Variants in MAP3K5 observed in about 807,000 individuals in gnomAD.
MAP3K5 encodes ASK-1.
MAP3K5 carries 56 observed loss-of-function variants against 158.7 expected under a neutral mutation model. The ratio of observed to expected loss-of-function variants is 0.35; its 90% CI spans 0.28 to 0.44. The LOEUF (loss-of-function observed/expected upper bound fraction) is 0.44, where lower values mean the gene tolerates loss of function less well. Ranked by LOEUF, MAP3K5 falls within the 20% of genes least tolerant of loss-of-function variation. The pLI is 1.00. For synonymous variants in MAP3K5, 579 were observed against 601.7 expected, an observed-to-expected ratio of 0.96 and a Z score of 0.55; for missense variants, 1,294 against 1,674.8, an observed-to-expected ratio of 0.77 and a Z score of 3.97.
At chr6:136,653,498 A>G (rs1396598443) in intron 10 of MAP3K5, among the ~76,000 whole-genome samples, 2 of 152,190 alleles carry the variant, frequency 1.3e-5, no homozygotes, top group Admixed American at 1.3e-4. Context: ...TGCTAAGGAC[A>G]TGACAAGGTG....
rs60678515 is a variant in MAP3K5, at chr6:136,716,027, C to CA, written c.588+4422dup. Among the ~76,000 whole-genome samples the CA allele has an allele frequency of 5.8e-3, 134 of 23,032 alleles. 35 individuals carry two copies. Among genetic ancestry groups the CA allele is most frequent in the Non-Finnish European group, 6.6e-3 (94 of 14,208 alleles). The allele number at this position is 23,032 out of a possible 152,430, so 15.1% of individuals were successfully genotyped here. ...CCCGGGTGACAAAGCAAGATCGTCT[C>CA]AAAAAAAAAAAAAAAAAAAAAAAAA... On this transcript the variant is annotated intron_variant, in intron 2 of 29. Coordinates refer to ENST00000359015, the MANE Select transcript of MAP3K5 (RefSeq NM_005923.4).
At chr6:136,689,661 C>T (rs139365987) in intron 7 of MAP3K5, among the ~76,000 whole-genome samples, 64 of 152,234 alleles carry the variant, frequency 4.2e-4, no homozygotes, top group African/African-American at 1.4e-3. Flanking sequence ...TTTAAAAGAA[C>T]ATGTTCAGCC....
At position 136,693,843 on chromosome 6, in the gene MAP3K5, G is replaced by T. The variant is rs376015329; in HGVS notation, c.1253+297C>A. 3.7e-4 allele frequency among the ~76,000 whole-genome samples: 57 copies of T among 152,150 alleles called. No individual in the cohort carries two copies. The East Asian group carries it at 0.01, about 27-fold the overall frequency. On this transcript the variant is annotated intron_variant, in intron 7 of 29. Coordinates refer to ENST00000359015, the MANE Select transcript of MAP3K5 (RefSeq NM_005923.4). Reference sequence around the variant, plus strand: ...GTCTCTCCTAAAAATGTAAAAATTAGTGGGCGTGGTGGCGGGCACCTGTAA... The same window carrying T: ...GTCTCTCCTAAAAATGTAAAAATTATTGGGCGTGGTGGCGGGCACCTGTAA...
chr6:136,655,044 C>T (rs987210861), intron 10 of MAP3K5, among the ~76,000 whole-genome samples: 1 of 152,052 alleles, frequency 6.6e-6, no homozygotes. Flanking sequence ...TTTACATTCA[C>T]TTATTTATAT....
intron 23 of MAP3K5, among the ~76,000 whole-genome samples, chr6:136,586,588 T>C (rs371493612): frequency 6.6e-6 from 1 of 152,216 alleles, no homozygotes; most frequent in Non-Finnish European, 1.5e-5. Context: ...AGCATCAGCA[T>C]AGATTTAACG....
intron 7 of MAP3K5, among the ~76,000 whole-genome samples, chr6:136,683,849 C>A (rs2114607025): frequency 6.6e-6 from 1 of 152,162 alleles, no homozygotes; most frequent in South Asian, 2.1e-4. Flanking sequence ...AACACTGGAT[C>A]TGAAAAAATA....
At chr6:136,711,421 T>C (rs539077476) in intron 2 of MAP3K5, among the ~76,000 whole-genome samples, 4 of 152,122 alleles carry the variant, frequency 2.6e-5, no homozygotes, top group African/African-American at 9.6e-5. Context: ...TCACAGCACT[T>C]TGGGAGGCAG....
chr6:136,585,473 C>CTTTCTTTCTTTCTTTATTTA (rs562356592), intron 23 of MAP3K5, among the ~76,000 whole-genome samples: 14 of 135,144 alleles, frequency 1.0e-4, no homozygotes, highest in African/African-American at 3.5e-4. Context: ...CTTTTCTTTT[C>CTTTCTTTCTTTCTTTATTTA]TTTATTTATT....
chr6:136,741,605 C>T (rs1782712007), intron 1 of MAP3K5, among the ~76,000 whole-genome samples: 2 of 150,974 alleles, frequency 1.3e-5, no homozygotes, highest in Admixed American at 1.3e-4. Flanking sequence ...CCCCTGTCAC[C>T]ACTCCTTTTC....
At chr6:136,687,605 G>A (rs561152359) in intron 7 of MAP3K5, among the ~76,000 whole-genome samples, 40 of 152,218 alleles carry the variant, frequency 2.6e-4, no homozygotes, top group Middle Eastern at 3.4e-3. Context: ...TCAAAAAGTG[G>A]GTGAAAGATA....
chr6:136,566,046 A>G (rs1774092724), intron 26 of MAP3K5, among the ~76,000 whole-genome samples: 1 of 152,228 alleles, frequency 6.6e-6, no homozygotes, highest in South Asian at 2.1e-4. Flanking sequence ...GCTAGAACCA[A>G]GAGACACTCA....
At chr6:136,731,514 T>C (rs1340245199) in intron 1 of MAP3K5, among the ~76,000 whole-genome samples, 1 of 152,192 alleles carries the variant, frequency 6.6e-6, no homozygotes, top group African/African-American at 2.4e-5. Context: ...CAAGGACACT[T>C]GTGATGGCAT....
At chr6:136,606,004 T>A (rs549743080) in intron 18 of MAP3K5, among the ~76,000 whole-genome samples, 54 of 152,248 alleles carry the variant, frequency 3.5e-4, no homozygotes, top group Middle Eastern at 6.8e-3. Context: ...GTTTAAGAGA[T>A]CAAAGACAGG....
At chr6:136,593,689 A>C in intron 21 of MAP3K5, 1 of 416,554 alleles carries the variant, frequency 2.4e-6, no homozygotes, top group Non-Finnish European at 4.6e-6. Context: ...AATACTGTCC[A>C]TGATCTATCC....
At chr6:136,684,641 C>A (rs1379183092) in intron 7 of MAP3K5, among the ~76,000 whole-genome samples, 1 of 152,070 alleles carries the variant, frequency 6.6e-6, no homozygotes, top group Non-Finnish European at 1.5e-5. Flanking sequence ...AATTCTCACC[C>A]CTTGAAAGCT....
intron 7 of MAP3K5, among the ~76,000 whole-genome samples, chr6:136,681,081 C>T (rs1429317934): frequency 6.6e-6 from 1 of 152,210 alleles, no homozygotes; most frequent in Non-Finnish European, 1.5e-5. Flanking sequence ...CCAGGGCAAA[C>T]AATTTCACAT....
rs376495258 is a variant in MAP3K5 at position 136,732,893 on chromosome 6, T to C, written c.449-12304A>G. On this transcript the variant is annotated intron_variant, in intron 1 of 29. Coordinates refer to ENST00000359015, the MANE Select transcript of MAP3K5 (RefSeq NM_005923.4). The stretch of plus-strand genomic sequence containing the variant: ...TAGATTTGAACTTTATTCTGCTTAG[T>C]GGCCACAGGCAAAAGCCTTAAATAG... 2.0e-5 allele frequency among the ~76,000 whole-genome samples: 3 copies of C among 152,308 alleles called. No individual in the cohort carries two copies. The East Asian group carries it at 5.8e-4, about 29-fold the overall frequency.
intron 10 of MAP3K5, among the ~76,000 whole-genome samples, chr6:136,655,293 T>C (rs972570013): frequency 3.3e-5 from 5 of 152,212 alleles, no homozygotes; most frequent in Non-Finnish European, 5.9e-5. Context: ...AGCTGCCAGC[T>C]CATTCTAAGG....
At position 136,641,284 on chromosome 6, in the gene MAP3K5, G is replaced by A. The variant is rs764920198; in HGVS notation, c.1838+1236C>T. 6.6e-5 allele frequency among the ~76,000 whole-genome samples: 10 copies of A among 152,236 alleles called. No homozygotes were observed. The South Asian group carries it at 1.5e-3, about 22-fold the overall frequency. On this transcript the variant is annotated intron_variant, in intron 12 of 29. Coordinates refer to ENST00000359015, the MANE Select transcript of MAP3K5 (RefSeq NM_005923.4). ...ACTCCAATTATTAGTGACTCAGACC[G>A]CTCTACCAATTTATGCTCTAATAAA...
Sources: allele counts gnomAD v4.1 joint callset (sites outside exome capture counted in the v4.1 genomes callset), GRCh38; gene constraint gnomAD v4.1.1; transcripts MANE v1.5; gene names NCBI Gene and HGNC (gene_info 2026-07-23, HGNC 2026-07-21).